Variants in KDM4C observed in about 807,000 individuals in gnomAD.
The protein encoded by KDM4C is lysine demethylase 4C.
KDM4C carries 81 observed loss-of-function variants against 129.3 expected under a neutral mutation model. That is an observed-to-expected ratio of 0.63 (90% CI 0.52 to 0.75). The LOEUF is 0.75. Ranked by LOEUF, KDM4C falls within the 30% of genes least tolerant of loss-of-function variation. The probability of loss-of-function intolerance (pLI) is 0.00; values close to 1 mark genes in which losing one functional copy is unlikely to be tolerated. For missense variants in KDM4C, 1,457 were observed against 1,304.0 expected (o/e 1.12, Z -1.81); for synonymous variants, 573 against 456.1 (o/e 1.26, Z -3.26).
intron 4 of KDM4C, among the ~76,000 whole-genome samples, chr9:6,823,435 C>G (rs572889675): frequency 3.4e-4 from 52 of 152,312 alleles, no homozygotes; most frequent in African/African-American, 1.3e-3. Flanking sequence ...GTGTAACCAT[C>G]TTTGATGATA....
At chr9:6,946,826 ATAAT>A (rs1158651429) in intron 8 of KDM4C, among the ~76,000 whole-genome samples, 1 of 152,230 alleles carries the variant, frequency 6.6e-6, no homozygotes, top group Middle Eastern at 3.4e-3. Flanking sequence ...GAATTATTAA[ATAAT>A]TCTAAAACAT....
At chr9:7,041,412 C>A (rs1179246174) in intron 15 of KDM4C, among the ~76,000 whole-genome samples, 1 of 151,966 alleles carries the variant, frequency 6.6e-6, no homozygotes, top group African/African-American at 2.4e-5. Flanking sequence ...CCCTTGGATA[C>A]TGAGGGTCGA....
chr9:7,048,438 G>A (rs1829714526), intron 16 of KDM4C, among the ~76,000 whole-genome samples: 1 of 151,824 alleles, frequency 6.6e-6, no homozygotes, highest in South Asian at 2.1e-4. Context: ...TATTTATTTT[G>A]GGATATAACA....
chr9:6,936,891 GATTTT>G (rs1350292556), intron 8 of KDM4C, among the ~76,000 whole-genome samples: 1 of 152,174 alleles, frequency 6.6e-6, no homozygotes, highest in Non-Finnish European at 1.5e-5. Context: ...GGAATGAAAA[GATTTT>G]AGCACAGTGC....
intron 3 of KDM4C, among the ~76,000 whole-genome samples, chr9:6,808,567 A>G (rs1830561402): frequency 1.3e-5 from 2 of 148,804 alleles, no homozygotes; most frequent in South Asian, 2.2e-4. Context: ...GGAAGGCCTC[A>G]GGGTCCTCTG....
intron 4 of KDM4C, among the ~76,000 whole-genome samples, chr9:6,846,369 A>G (rs1837854591): frequency 6.6e-6 from 1 of 152,206 alleles, no homozygotes; most frequent in South Asian, 2.1e-4. Flanking sequence ...GTATAGTGTA[A>G]TGAGGTAGTA....
chr9:6,892,160 G>A (rs1336889738), intron 7 of KDM4C, among the ~76,000 whole-genome samples: 1 of 152,078 alleles, frequency 6.6e-6, no homozygotes, highest in Non-Finnish European at 1.5e-5. Context: ...ATATTACTTT[G>A]CAGCAACTGA....
chr9:7,115,130 A>G (rs879327694), intron 18 of KDM4C, among the ~76,000 whole-genome samples: 5 of 152,080 alleles, frequency 3.3e-5, no homozygotes, highest in Admixed American at 2.6e-4. Context: ...TACATGGGAC[A>G]CTTGATACTT....
At chr9:6,747,329 C>A (rs1195372290) in intron 1 of KDM4C, among the ~76,000 whole-genome samples, 1 of 151,778 alleles carries the variant, frequency 6.6e-6, no homozygotes, top group African/African-American at 2.4e-5. Context: ...GGGCGGATCG[C>A]GAGGTCAGGA....
At chr9:6,941,234 C>T (rs1004451423) in intron 8 of KDM4C, among the ~76,000 whole-genome samples, 1 of 152,168 alleles carries the variant, frequency 6.6e-6, no homozygotes. Flanking sequence ...GTCTCAAACT[C>T]CTGACCTCAA....
intron 19 of KDM4C, 128 bp downstream of exon 19, chr9:7,128,364 C>G (rs1297125479): frequency 2.1e-5 from 13 of 605,514 alleles, no homozygotes; most frequent in Non-Finnish European, 2.9e-5. Context: ...TAGACTTTAT[C>G]ATTCTAAATA....
chr9:7,174,592 G>A lies in KDM4C; in HGVS notation c.3034G>A (p.Gly1012Arg), dbSNP rs1421951936. ...SDMRFEDTFY[G>R]ADIIQGERKR... ...CATGCGATTTGAAGACACGTTTTATGGAGCAGACATTATCCAAGGGGAGAG... is the reference window on the plus strand; with the variant it reads ...CATGCGATTTGAAGACACGTTTTATAGAGCAGACATTATCCAAGGGGAGAG... Residue 1012 changes from glycine (G) to arginine (R), a missense_variant, in exon 22 of 22, where the codon GGA (glycine) becomes AGA (arginine). Physicochemically the swap from Gly to Arg is moderately radical, Grantham distance 125. Transcript: ENST00000381309. The A allele has an allele frequency of 6.2e-7, 1 of 1,614,182 alleles. No homozygotes were observed. The highest frequency in any genetic ancestry group is 1.7e-5 in the Admixed American group (1 of 60,018).
chr9:6,834,623 G>A (rs1265333321), intron 4 of KDM4C: 4 of 766,498 alleles, frequency 5.2e-6, no homozygotes, highest in East Asian at 2.5e-5. Context: ...TGTGGGCGAC[G>A]AGGCCTAGAG....
intron 2 of KDM4C, among the ~76,000 whole-genome samples, chr9:6,794,033 C>T (rs907522230): frequency 6.6e-6 from 1 of 152,196 alleles, no homozygotes; most frequent in African/African-American, 2.4e-5. Flanking sequence ...CAGTCATTCT[C>T]CATTCCCTGC....
chr9:6,815,608 G>C (rs1008461080), intron 4 of KDM4C, among the ~76,000 whole-genome samples: 10 of 152,120 alleles, frequency 6.6e-5, no homozygotes, highest in Non-Finnish European at 1.3e-4. Flanking sequence ...ACTAGTACAG[G>C]TTAAGCATCC....
chr9:6,827,315 T>C (rs192725364), intron 4 of KDM4C, among the ~76,000 whole-genome samples: 2 of 152,356 alleles, frequency 1.3e-5, no homozygotes, highest in East Asian at 3.9e-4. Context: ...ATGTTTACTT[T>C]ATGATAAGCA....
At chr9:7,165,824 T>C (rs1844322749) in intron 20 of KDM4C, among the ~76,000 whole-genome samples, 1 of 152,206 alleles carries the variant, frequency 6.6e-6, no homozygotes, top group African/African-American at 2.4e-5. Context: ...ATGTGGCCAG[T>C]TAATGTCACA....
chr9:6,931,625 T>C (rs1357390133), intron 8 of KDM4C, among the ~76,000 whole-genome samples: 1 of 152,092 alleles, frequency 6.6e-6, no homozygotes, highest in Non-Finnish European at 1.5e-5. Context: ...CTCAGCCTCC[T>C]GAGTAGCTGG....
intron 15 of KDM4C, among the ~76,000 whole-genome samples, chr9:7,044,019 T>C (rs1829007944): frequency 2.6e-5 from 4 of 152,030 alleles, no homozygotes; most frequent in Admixed American, 2.6e-4. Context: ...TAAGAGCAAT[T>C]AACCTGACAG....
Sources: allele counts gnomAD v4.1 joint callset (sites outside exome capture counted in the v4.1 genomes callset), GRCh38; gene constraint gnomAD v4.1.1; transcripts MANE v1.5; gene names NCBI Gene and HGNC (gene_info 2026-07-23, HGNC 2026-07-21).